Variants in ARHGAP23 observed in about 807,000 individuals in gnomAD.
ARHGAP23 encodes the protein rho GTPase-activating protein 23.
In ARHGAP23, 34 loss-of-function variants were observed where a neutral mutation model predicts 136.3. The observed-to-expected ratio is 0.25, with a 90% CI of 0.19 to 0.33. The LOEUF (loss-of-function observed/expected upper bound fraction) is 0.33, where lower values mean the gene tolerates loss of function less well. Among genes scored for constraint, ARHGAP23 ranks in the 10% least tolerant of loss-of-function variants. ARHGAP23 has a pLI of 1.00. For missense variants in ARHGAP23, 1,808 were observed against 2,139.0 expected (o/e 0.85, Z 3.05); for synonymous variants, 832 against 920.5 (o/e 0.90, Z 1.74).
chr17:38,465,197 G>A (rs890063065), intron 6 of ARHGAP23, among the ~76,000 whole-genome samples: 1 of 151,510 alleles, frequency 6.6e-6, no homozygotes, highest in Non-Finnish European at 1.5e-5. Context: ...TGTGTGTGCC[G>A]GCCCTGTGCC....
At chr17:38,428,375 C>CG (rs769359302), upstream of ARHGAP23, 53,936 of 322,252 alleles carry the variant, frequency 0.17, 4,523 homozygotes, top group East Asian at 0.38. Context: ...GGGCGGACCC[C>CG]GGGGGGGGCC....
In ARHGAP23 at chr17:38,465,995, C is replaced by T. The variant is rs535674903; in HGVS notation, c.484-172C>T. On this transcript the variant is annotated intron_variant, in intron 6 of 23. Coordinates refer to ENST00000622683, the MANE Select transcript of ARHGAP23 (RefSeq NM_001199417.2). The stretch of plus-strand genomic sequence containing the variant: ...GCTTCTTGCTTCTTCTTTGTTCTCT[C>T]CCTGGACCTGCCCTTCCACCCCCAC... Among the ~76,000 whole-genome samples the T allele has an allele frequency of 9.9e-5, 15 of 152,148 alleles. No homozygotes were observed. In the South Asian group the frequency reaches 1.2e-3, roughly 13 times the overall value.
intron 23 of ARHGAP23, among the ~76,000 whole-genome samples, chr17:38,504,024 G>A (rs1359498969): frequency 6.6e-6 from 1 of 152,214 alleles, no homozygotes; most frequent in African/African-American, 2.4e-5. Context: ...GGGGAACCAA[G>A]GCTCAGAGAA....
At chr17:38,467,400 A>G in intron 7 of ARHGAP23, 69 bp downstream of exon 7, 2 of 1,400,892 alleles carry the variant, frequency 1.4e-6, no homozygotes, top group East Asian at 2.6e-5. Context: ...GCTGTACCCC[A>G]TCTGCCTGTC....
chr17:38,438,321 C>CAAAA lies in ARHGAP23; in HGVS notation c.63+9790_63+9793dup, dbSNP rs34412310. 3.4e-3 allele frequency among the ~76,000 whole-genome samples: 395 copies of CAAAA among 115,850 alleles called. 8 individuals carry two copies. Among genetic ancestry groups the CAAAA allele is most frequent in the African/African-American group, 0.013 (374 of 29,216 alleles). 76.0% of individuals were successfully genotyped at this position (115,850 alleles called of 152,430 possible). ...CTGGTGACAGAGTGAGACTCCGTCT[C>CAAAA]AAAAAAAAAAAAAAAAAAAAGATGT... On this transcript the variant is annotated intron_variant, in intron 1 of 23. Transcript: ENST00000622683.
chr17:38,460,153 G>T (rs1012466734), intron 2 of ARHGAP23, among the ~76,000 whole-genome samples: 2 of 152,114 alleles, frequency 1.3e-5, no homozygotes, highest in Non-Finnish European at 2.9e-5. Context: ...CCCCCACAAA[G>T]TCTAGTGCCA....
intron 1 of ARHGAP23, among the ~76,000 whole-genome samples, chr17:38,448,858 CTTTTT>C (rs1241989813): frequency 8.1e-6 from 1 of 124,216 alleles, no homozygotes; most frequent in Non-Finnish European, 1.6e-5. Context: ...GTTGCCCAGC[CTTTTT>C]TTTTTTTTTT....
chr17:38,441,124 C>T (rs1383346163), intron 1 of ARHGAP23, among the ~76,000 whole-genome samples: 1 of 152,246 alleles, frequency 6.6e-6, no homozygotes, highest in Non-Finnish European at 1.5e-5. Context: ...CCCAGCCCCA[C>T]AGGGATCCAC....
At chr17:38,455,162 A>G (rs2039293470) in intron 1 of ARHGAP23, among the ~76,000 whole-genome samples, 1 of 152,368 alleles carries the variant, frequency 6.6e-6, no homozygotes, top group South Asian at 2.1e-4. Flanking sequence ...GTTCTGTCCC[A>G]GGTCACAGGG....
At chr17:38,458,945 T>G (rs1284938580) in intron 2 of ARHGAP23, among the ~76,000 whole-genome samples, 2 of 152,184 alleles carry the variant, frequency 1.3e-5, no homozygotes, top group African/African-American at 4.8e-5. Context: ...AAACGTTGTG[T>G]TCTCTGAGTC....
chr17:38,472,665 A>G (rs528663760), intron 11 of ARHGAP23, among the ~76,000 whole-genome samples: 2 of 152,276 alleles, frequency 1.3e-5, no homozygotes, highest in East Asian at 3.9e-4. Context: ...TCCTGGCCCC[A>G]GGCTGCGCTG....
chr17:38,507,359 G>A (rs1013127283), intron 23 of ARHGAP23, among the ~76,000 whole-genome samples: 8 of 151,946 alleles, frequency 5.3e-5, no homozygotes, highest in African/African-American at 1.9e-4. Context: ...GCCCCTGCCT[G>A]CACCTGGACA....
At chr17:38,491,343 G>T (rs1567821219) in intron 19 of ARHGAP23, 64 bp from the exon 20 acceptor site, 1 of 1,546,720 alleles carries the variant, frequency 6.5e-7, no homozygotes, top group Non-Finnish European at 8.7e-7. Context: ...GAGGCCTCAG[G>T]TGCCAGAGTG....
chr17:38,456,997 C>G (rs886197085), intron 1 of ARHGAP23, among the ~76,000 whole-genome samples: 11 of 152,188 alleles, frequency 7.2e-5, no homozygotes, highest in Non-Finnish European at 1.6e-4. Flanking sequence ...GCAACTTCTC[C>G]CTCCTGGGTT....
chr17:38,449,857 G>A (rs2039120127), intron 1 of ARHGAP23, among the ~76,000 whole-genome samples: 1 of 152,182 alleles, frequency 6.6e-6, no homozygotes. Context: ...GGAAGGAAAA[G>A]CAGGCAGAAT....
At chr17:38,439,871 T>C (rs1037558462) in intron 1 of ARHGAP23, among the ~76,000 whole-genome samples, 67 of 146,550 alleles carry the variant, frequency 4.6e-4, no homozygotes, top group African/African-American at 1.7e-3. Flanking sequence ...AACTCACAGG[T>C]TCAAGCGATT....
intron 16 of ARHGAP23, among the ~76,000 whole-genome samples, chr17:38,485,627 C>G (rs150274335): frequency 1.3e-5 from 2 of 152,034 alleles, no homozygotes; most frequent in African/African-American, 4.8e-5. Context: ...GACTTTTAGG[C>G]GGGGATGAGG....
intron 23 of ARHGAP23, among the ~76,000 whole-genome samples, chr17:38,502,025 G>A (rs1477629592): frequency 2.0e-5 from 3 of 152,018 alleles, no homozygotes; most frequent in Non-Finnish European, 4.4e-5. Context: ...ATAAAAGAGG[G>A]TGGCTGGGCA....
intron 11 of ARHGAP23, among the ~76,000 whole-genome samples, chr17:38,473,103 A>ATTTTTTTTTTTT (rs59594005): frequency 7.7e-6 from 1 of 129,964 alleles, no homozygotes; most frequent in Non-Finnish European, 1.6e-5. Flanking sequence ...AACCCGGCTA[A>ATTTTTTTTTTTT]TTTTTTTTTT....
Sources: allele counts gnomAD v4.1 joint callset (sites outside exome capture counted in the v4.1 genomes callset), GRCh38; gene constraint gnomAD v4.1.1; transcripts MANE v1.5; gene names NCBI Gene and HGNC (gene_info 2026-07-23, HGNC 2026-07-21).